The following DOK6 variants were observed in gnomAD, a reference collection of about 807,000 sequenced individuals.
DOK6 encodes the protein docking protein 6.
Under a neutral mutation model 44.0 loss-of-function variants are expected in DOK6, and 22 were observed. The ratio of observed to expected loss-of-function variants is 0.50; its 90% CI spans 0.36 to 0.71. DOK6 has a LOEUF of 0.71. Ranked by LOEUF, DOK6 falls within the 30% of genes least tolerant of loss-of-function variation. The pLI is 0.00. For missense variants in DOK6, 340 were observed against 416.4 expected, an observed-to-expected ratio of 0.82 and a Z score of 1.60; for synonymous variants, 166 against 145.5, an observed-to-expected ratio of 1.14 and a Z score of -1.01.
chr18:69,678,543 G>A (rs1985976200), intron 4 of DOK6, among the ~76,000 whole-genome samples: 1 of 152,156 alleles, frequency 6.6e-6, no homozygotes, highest in African/African-American at 2.4e-5. Flanking sequence ...ATATTACAAG[G>A]AAGAAAGTAA....
intron 4 of DOK6, among the ~76,000 whole-genome samples, chr18:69,688,846 T>C (rs1448071674): frequency 6.6e-6 from 1 of 152,134 alleles, no homozygotes; most frequent in Non-Finnish European, 1.5e-5. Context: ...GTAAAACATC[T>C]GAAAATAAGT....
intron 7 of DOK6, among the ~76,000 whole-genome samples, chr18:69,818,991 A>C (rs1440306221): frequency 2.0e-5 from 3 of 152,236 alleles, no homozygotes; most frequent in Non-Finnish European, 4.4e-5. Flanking sequence ...AATACGGTGA[A>C]AATCAAAGTT....
chr18:69,777,588 T>G (rs1305585856), intron 7 of DOK6, among the ~76,000 whole-genome samples: 4 of 151,976 alleles, frequency 2.6e-5, no homozygotes, highest in African/African-American at 9.7e-5. Context: ...TAATACACAT[T>G]AACAGACCTA....
rs558267100 is a variant in DOK6, at chr18:69,484,052, G to A, written c.67-80435G>A. Among the ~76,000 whole-genome samples, 4 of 152,124 alleles carry A rather than the reference G, an allele frequency of 2.6e-5. No homozygotes were observed. The South Asian group carries it at 8.3e-4, about 32-fold the overall frequency. On this transcript the variant is annotated intron_variant, in intron 1 of 7. Coordinates refer to ENST00000382713, the MANE Select transcript of DOK6 (RefSeq NM_152721.6). ...TATCTGTTGTGTCAGAAAGCAAGAA[G>A]TTGAGGGATCCTGCTCTTAGTGGAT...
intron 3 of DOK6, among the ~76,000 whole-genome samples, chr18:69,615,569 TC>T (rs1984264822): frequency 6.6e-6 from 1 of 152,220 alleles, no homozygotes; most frequent in African/African-American, 2.4e-5. Flanking sequence ...TGAAGTTAAT[TC>T]TTTAGAGAAT....
At chr18:69,589,442 TTA>T (rs141425425) in intron 2 of DOK6, among the ~76,000 whole-genome samples, 5,500 of 152,058 alleles carry the variant, frequency 0.036, 110 homozygotes, top group East Asian at 0.12. Flanking sequence ...ATAGTAAAAT[TTA>T]TGTTCTAATT....
intron 2 of DOK6, among the ~76,000 whole-genome samples, chr18:69,578,613 T>C: frequency 6.6e-6 from 1 of 152,214 alleles, no homozygotes; most frequent in Non-Finnish European, 1.5e-5. Flanking sequence ...CTTTTCATTA[T>C]TTCAGAGTAT....
chr18:69,752,579 TAGAG>T (rs1194866715), intron 6 of DOK6, among the ~76,000 whole-genome samples: 2 of 152,182 alleles, frequency 1.3e-5, no homozygotes, highest in African/African-American at 2.4e-5. Flanking sequence ...GAGCCTGTGA[TAGAG>T]AGTTCAATGA....
chr18:69,698,654 G>T, intron 5 of DOK6, 61 bp downstream of exon 5: 1 of 1,528,008 alleles, frequency 6.5e-7, no homozygotes, highest in Non-Finnish European at 8.8e-7. Context: ...CTGTATAACA[G>T]AGTCCTGAAA....
chr18:69,432,531 C>A (rs538433390), intron 1 of DOK6, among the ~76,000 whole-genome samples: 7 of 152,150 alleles, frequency 4.6e-5, no homozygotes, highest in African/African-American at 9.6e-5. Flanking sequence ...GAAGAGTGAA[C>A]CTTTAATCTG....
intron 3 of DOK6, among the ~76,000 whole-genome samples, chr18:69,664,958 C>T (rs1985619095): frequency 6.6e-6 from 1 of 152,068 alleles, no homozygotes; most frequent in Non-Finnish European, 1.5e-5. Context: ...GTGGGTGGGT[C>T]ACGAGGTCAG....
intron 5 of DOK6, among the ~76,000 whole-genome samples, chr18:69,710,166 G>A (rs559228346): frequency 3.5e-4 from 54 of 152,218 alleles, no homozygotes; most frequent in Admixed American, 5.9e-4. Flanking sequence ...TCAACAGAGT[G>A]AGACCCTGTC....
chr18:69,688,708 G>T (rs1012130905), intron 4 of DOK6, among the ~76,000 whole-genome samples: 1 of 152,196 alleles, frequency 6.6e-6, no homozygotes, highest in Non-Finnish European at 1.5e-5. Flanking sequence ...TTTTAGTAGA[G>T]ATGGGGTTTC....
intron 1 of DOK6, among the ~76,000 whole-genome samples, chr18:69,504,669 T>G (rs1311181027): frequency 6.6e-6 from 1 of 152,150 alleles, no homozygotes; most frequent in Non-Finnish European, 1.5e-5. Flanking sequence ...TCAATAAAAG[T>G]GACATTTTTT....
rs549169603 is a variant in DOK6, at chr18:69,785,527, C to T, written c.856+27654C>T. On this transcript the variant is annotated intron_variant, in intron 7 of 7. Transcript: ENST00000382713. ...TGAAAAATATCGAAGAGCATCAAGA[C>T]ATTAAATCAAGGCAGGTTTTTTTTC... Among the ~76,000 whole-genome samples, 83 of 152,238 alleles carry T rather than the reference C, an allele frequency of 5.5e-4. 2 individuals are homozygous for T. The highest frequency in any genetic ancestry group is 1.8e-3 in the African/African-American group (73 of 41,558).
chr18:69,419,895 T>C (rs1343490627), intron 1 of DOK6, among the ~76,000 whole-genome samples: 1 of 152,156 alleles, frequency 6.6e-6, no homozygotes, highest in East Asian at 1.9e-4. Flanking sequence ...ACCACCTTCA[T>C]AGAGGCACTT....
intron 7 of DOK6, among the ~76,000 whole-genome samples, chr18:69,765,139 T>C (rs749860347): frequency 6.6e-6 from 1 of 152,250 alleles, no homozygotes; most frequent in Non-Finnish European, 1.5e-5. Context: ...CCTTCTGTCC[T>C]TCTCTACTGT....
intron 2 of DOK6, among the ~76,000 whole-genome samples, chr18:69,587,794 C>CACACA (rs3222085): frequency 6.6e-6 from 1 of 151,724 alleles, no homozygotes; most frequent in Non-Finnish European, 1.5e-5. Flanking sequence ...CACACACACA[C>CACACA]GAGAAGTAAG....
At position 69,842,253 on chromosome 18, in the gene DOK6, C is replaced by G. The variant is rs1448656193; in HGVS notation, c.*870C>G. The G allele has an allele frequency of 6.6e-6, 1 of 151,686 alleles. No homozygotes were observed. The highest frequency in any genetic ancestry group is 1.9e-4 in the East Asian group (1 of 5,158). 9.4% of individuals were successfully genotyped at this position (151,686 alleles called of 1,614,324 possible). ...GGGGAACATTCAGAAGCAAAAGAACCAGTCTAGCTGTCCTACACATCATGT... is the reference window on the plus strand; with the variant it reads ...GGGGAACATTCAGAAGCAAAAGAACGAGTCTAGCTGTCCTACACATCATGT... On this transcript the variant is annotated 3_prime_UTR_variant, in exon 8 of 8. Coordinates refer to ENST00000382713, the MANE Select transcript of DOK6 (RefSeq NM_152721.6).
Sources: allele counts gnomAD v4.1 joint callset (sites outside exome capture counted in the v4.1 genomes callset), GRCh38; gene constraint gnomAD v4.1.1; transcripts MANE v1.5; gene names NCBI Gene and HGNC (gene_info 2026-07-23, HGNC 2026-07-21).